The following TBC1D5 variants were observed in gnomAD, a reference collection of about 807,000 sequenced individuals.
The protein encoded by TBC1D5 is TBC1 domain family member 5, also known as TBC1 domain family, member 5.
In TBC1D5, 75 loss-of-function variants were observed where a neutral mutation model predicts 100.3. That is an observed-to-expected ratio of 0.75 (90% CI 0.62 to 0.91). The LOEUF is 0.91. Among genes scored for constraint, TBC1D5 ranks in the 40% least tolerant of loss-of-function variants. TBC1D5 has a pLI of 0.00. For synonymous variants in TBC1D5, 323 were observed against 325.6 expected (o/e 0.99, Z 0.09); for missense variants, 910 against 942.4 (o/e 0.97, Z 0.45).
At chr3:17,682,498 C>T (rs1023397900) in intron 1 of TBC1D5, among the ~76,000 whole-genome samples, 2 of 151,320 alleles carry the variant, frequency 1.3e-5, no homozygotes, top group Non-Finnish European at 2.9e-5. Flanking sequence ...ATACTTGTCA[C>T]AAGAGAACTT....
chr3:17,178,722 C>G (rs796101889), intron 19 of TBC1D5, among the ~76,000 whole-genome samples: 1 of 152,132 alleles, frequency 6.6e-6, no homozygotes, highest in Non-Finnish European at 1.5e-5. Flanking sequence ...GCATGAGCAT[C>G]CGCCACCTCC....
intron 3 of TBC1D5, among the ~76,000 whole-genome samples, chr3:17,476,799 C>G (rs549868559): frequency 6.6e-6 from 1 of 151,996 alleles, no homozygotes; most frequent in African/African-American, 2.4e-5. Context: ...ACGTTCTCCA[C>G]AAAAACTACC....
chr3:17,164,165 G>C (rs1413603066), intron 21 of TBC1D5, among the ~76,000 whole-genome samples: 1 of 152,168 alleles, frequency 6.6e-6, no homozygotes, highest in African/African-American at 2.4e-5. Context: ...AGAACACTAT[G>C]AGCCATGTCA....
intron 17 of TBC1D5, among the ~76,000 whole-genome samples, chr3:17,226,680 C>G (rs986696442): frequency 2.0e-5 from 3 of 152,174 alleles, no homozygotes; most frequent in Non-Finnish European, 4.4e-5. Flanking sequence ...GCAGCAACTG[C>G]AAAGCGGTCG....
intron 1 of TBC1D5, among the ~76,000 whole-genome samples, chr3:17,677,645 G>T (rs1018985963): frequency 1.3e-5 from 2 of 152,066 alleles, no homozygotes; most frequent in Non-Finnish European, 2.9e-5. Context: ...CCCATTACTG[G>T]GTATATACCC....
chr3:17,288,136 A>G (rs369301432), intron 15 of TBC1D5, among the ~76,000 whole-genome samples: 1 of 152,342 alleles, frequency 6.6e-6, no homozygotes, highest in Non-Finnish European at 1.5e-5. Context: ...AGGCAGGTGT[A>G]CTAGTACCAT....
chr3:17,182,373 G>A (rs2068548849), intron 19 of TBC1D5, among the ~76,000 whole-genome samples: 1 of 152,144 alleles, frequency 6.6e-6, no homozygotes, highest in Non-Finnish European at 1.5e-5. Context: ...ATTCACAGCT[G>A]GTATAGGCTT....
intron 2 of TBC1D5, among the ~76,000 whole-genome samples, chr3:17,559,610 G>C (rs2096544469): frequency 6.8e-6 from 1 of 147,026 alleles, no homozygotes; most frequent in African/African-American, 2.5e-5. Flanking sequence ...TTTTTTTTGA[G>C]GTGGAGTCTT....
At chr3:17,594,487 A>T (rs1301484055) in intron 2 of TBC1D5, among the ~76,000 whole-genome samples, 1 of 152,228 alleles carries the variant, frequency 6.6e-6, no homozygotes, top group Non-Finnish European at 1.5e-5. Context: ...AGTCATCAAT[A>T]CCAGCTACAG....
chr3:17,706,119 A>G, intron 1 of TBC1D5: 1 of 1,605,966 alleles, frequency 6.2e-7, no homozygotes, highest in African/African-American at 1.3e-5. Flanking sequence ...GGTGAAGTCC[A>G]GCAAGTCGGG....
intron 2 of TBC1D5, chr3:17,562,079 G>T (rs1273682301): frequency 1.3e-5 from 2 of 152,114 alleles, no homozygotes; most frequent in Non-Finnish European, 2.9e-5. Context: ...TTGAGATGGA[G>T]GCTACAATGG....
intron 1 of TBC1D5, among the ~76,000 whole-genome samples, chr3:17,738,291 A>G (rs1401267758): frequency 1.3e-5 from 2 of 152,234 alleles, no homozygotes; most frequent in African/African-American, 4.8e-5. Context: ...AGTCTTGATT[A>G]TATAGATATG....
At chr3:17,389,527 T>C (rs1559782271) in intron 8 of TBC1D5, among the ~76,000 whole-genome samples, 2 of 152,126 alleles carry the variant, frequency 1.3e-5, no homozygotes, top group African/African-American at 2.4e-5. Flanking sequence ...CAAACAGCCA[T>C]ATGAAAAGGC....
At chr3:17,582,699 A>T (rs2096706897) in intron 2 of TBC1D5, among the ~76,000 whole-genome samples, 1 of 150,684 alleles carries the variant, frequency 6.6e-6, no homozygotes, top group African/African-American at 2.5e-5. Context: ...AAAAAAAAAA[A>T]TACAGGCATA....
chr3:17,625,878 G>A (rs529852795), intron 1 of TBC1D5, among the ~76,000 whole-genome samples: 1 of 152,148 alleles, frequency 6.6e-6, no homozygotes, highest in South Asian at 2.1e-4. Context: ...CTAGTTGTTT[G>A]AGTTTAGAAA....
At chr3:17,403,349 G>T in intron 7 of TBC1D5, 101 bp from the exon 8 acceptor site, 2 of 755,348 alleles carry the variant, frequency 2.6e-6, no homozygotes, top group Non-Finnish European at 3.9e-6. Context: ...ATTCTTCTCT[G>T]AGATCATTTC....
Position 17,238,469 on chromosome 3 carries a change from T to C in TBC1D5, c.1332-50A>G, listed in dbSNP as rs750437255. The stretch of plus-strand genomic sequence containing the variant: ...CATTATTTACATTAGAGGATGATTC[T>C]ATTTCACATAATTAATTGGTATAAA... On this transcript the variant is annotated intron_variant, in intron 16 of 21. Coordinates refer to ENST00000253692, the Ensembl canonical transcript of TBC1D5. The C allele has an allele frequency of 7.7e-6, 12 of 1,555,766 alleles. No homozygotes were observed. In the East Asian group the frequency reaches 2.3e-4, roughly 29 times the overall value.
At chr3:17,336,073 A>G (rs1575398384) in intron 13 of TBC1D5, among the ~76,000 whole-genome samples, 1 of 152,144 alleles carries the variant, frequency 6.6e-6, no homozygotes, top group Admixed American at 6.6e-5. Flanking sequence ...GTCTAGTGAC[A>G]TATTTAATCC....
intron 2 of TBC1D5, among the ~76,000 whole-genome samples, chr3:17,566,896 T>G (rs1287256209): frequency 6.6e-6 from 1 of 151,850 alleles, no homozygotes; most frequent in Admixed American, 6.6e-5. Flanking sequence ...CTTAGAATAT[T>G]TTGGTAAACA....
Sources: allele counts gnomAD v4.1 joint callset (sites outside exome capture counted in the v4.1 genomes callset), GRCh38; gene constraint gnomAD v4.1.1; transcripts MANE v1.5; gene names NCBI Gene and HGNC (gene_info 2026-07-23, HGNC 2026-07-21).